The following IQCH variants were observed in gnomAD, a reference collection of about 807,000 sequenced individuals.
IQCH encodes the protein IQ domain-containing protein H.
IQCH carries 98 observed loss-of-function variants against 117.0 expected under a neutral mutation model. The observed-to-expected ratio is 0.84, with a 90% CI of 0.71 to 0.99. The LOEUF (loss-of-function observed/expected upper bound fraction) is 0.99, where lower values mean the gene tolerates loss of function less well. IQCH is among the 50% of genes least tolerant of loss of function. IQCH has a pLI of 0.00. For synonymous variants in IQCH, 412 were observed against 448.2 expected, an observed-to-expected ratio of 0.92 and a Z score of 1.02; for missense variants, 1,102 against 1,243.8, an observed-to-expected ratio of 0.89 and a Z score of 1.72.
In IQCH at chr15:67,456,864, C is replaced by A. The variant is rs1315077433; in HGVS notation, c.2506-8263C>A. On this transcript the variant is annotated intron_variant, in intron 16 of 20. Transcript: ENST00000335894. The surrounding 1 kb of genome is among the most constrained non-coding windows in gnomAD (Gnocchi z 5.1). ...AGATGGTTTGCAGCCTCTTACCCCA[C>A]CCACTCCAAACACCCCATAGAAGGC... Among the ~76,000 whole-genome samples, 1 of 152,058 alleles carries A rather than the reference C, an allele frequency of 6.6e-6. No homozygotes were observed. The highest frequency in any genetic ancestry group is 1.9e-4 in the East Asian group (1 of 5,182).
At chr15:67,377,245 G>A (rs1970771298) in intron 10 of IQCH, among the ~76,000 whole-genome samples, 5 of 152,102 alleles carry the variant, frequency 3.3e-5, no homozygotes, top group African/African-American at 1.2e-4. Context: ...CACAAGAGAA[G>A]TGGAATGCTG....
At chr15:67,308,907 G>T (rs1019226585) in intron 4 of IQCH, among the ~76,000 whole-genome samples, 3 of 152,052 alleles carry the variant, frequency 2.0e-5, no homozygotes, top group African/African-American at 7.2e-5. Flanking sequence ...TCTAGCTGTA[G>T]TGAGTTCTTT....
At chr15:67,373,344 T>C in intron 9 of IQCH, 23 bp from the exon 10 acceptor site, 3 of 1,576,538 alleles carry the variant, frequency 1.9e-6, no homozygotes, top group Non-Finnish European at 2.6e-6. Context: ...CTGTCACTGA[T>C]CAATGCTCTT....
rs960059156 is a variant in IQCH at position 67,417,177 on chromosome 15, G to A, written c.2218+126G>A. ...TGTTGGTTTAGAAAAGTGCTCCTAC[G>A]GTTTTCTTTTTCAAATGTTGCCTAA... On this transcript the variant is annotated intron_variant, in intron 15 of 20. Coordinates refer to ENST00000335894, the MANE Select transcript of IQCH (RefSeq NM_001031715.3). This position sits in a 1 kb window ranked among gnomAD's most constrained non-coding sequence, Gnocchi z 4.3. 3.5e-5 allele frequency: 25 copies of A among 723,410 alleles called. No individual in the cohort carries two copies. The highest frequency in any genetic ancestry group is 4.4e-4 in the Middle Eastern group (1 of 2,288). 44.8% of individuals were successfully genotyped at this position (723,410 alleles called of 1,614,324 possible).
chr15:67,255,177 G>A (rs1965099908), intron 1 of IQCH: 2 of 590,664 alleles, frequency 3.4e-6, no homozygotes, highest in Middle Eastern at 9.1e-4. Flanking sequence ...TCTGCCTCTG[G>A]GAAAACTCTA....
rs570772619 is a variant in IQCH at position 67,348,637 on chromosome 15, A to C, written c.637+4446A>C. On this transcript the variant is annotated intron_variant, in intron 6 of 20. Transcript: ENST00000335894. ...AAAAGAAGACCTAAGTAAATTAGAAAGATTAGCCATGTTCATAGATTAGAA... is the reference window on the plus strand; with the variant it reads ...AAAAGAAGACCTAAGTAAATTAGAACGATTAGCCATGTTCATAGATTAGAA... 5.3e-5 allele frequency among the ~76,000 whole-genome samples: 8 copies of C among 152,344 alleles called. No individual in the cohort carries two copies. The South Asian group carries it at 1.7e-3, about 32-fold the overall frequency.
intron 6 of IQCH, among the ~76,000 whole-genome samples, chr15:67,352,154 GCTT>G (rs915251895): frequency 9.9e-5 from 15 of 151,164 alleles, no homozygotes; most frequent in African/African-American, 3.4e-4. Context: ...ATTGTGATTA[GCTT>G]CTTATTTTCA....
rs927897669 is a variant in IQCH at position 67,255,115 on chromosome 15, C to G, written c.51+168C>G. ...CCCACCCAGACCTTCCCCCACGGCC[C>G]AGCACACTCCCGGTGACTTACCCTG... On this transcript the variant is annotated intron_variant, in intron 1 of 20. Transcript: ENST00000335894. 3 of 670,164 alleles carry G rather than the reference C, an allele frequency of 4.5e-6. No homozygotes were observed. The South Asian group carries it at 5.2e-5, about 12-fold the overall frequency. 41.5% of individuals were successfully genotyped at this position (670,164 alleles called of 1,614,324 possible).
rs111681102 is a variant in IQCH at position 67,372,473 on chromosome 15, C to T, written c.1116C>T (p.Ala372=). The T allele has an allele frequency of 2.4e-4, 382 of 1,613,956 alleles. 1 individual carries two copies. In the African/African-American group the frequency reaches 4.0e-3, roughly 17 times the overall value. The change falls in exon 9 of 21, where the codon GCC becomes GCT. Residue 372 remains alanine, a synonymous_variant. Coordinates refer to ENST00000335894, the MANE Select transcript of IQCH (RefSeq NM_001031715.3). ...AGGGCCAAGATGGAAATTCGGAGGC[C>T]GCCATGAAGATCCAAGCCACATGGA... ...RYKGQDGNSE[A]AMKIQATWKC...
At chr15:67,358,158 C>CTTT (rs71455547) in intron 7 of IQCH, among the ~76,000 whole-genome samples, 1 of 53,106 alleles carries the variant, frequency 1.9e-5, no homozygotes, top group African/African-American at 7.3e-5. Flanking sequence ...CACGCCTGGC[C>CTTT]TTTTTTTTTT....
intron 7 of IQCH, among the ~76,000 whole-genome samples, chr15:67,358,142 A>G (rs1596251848): frequency 8.1e-6 from 1 of 122,888 alleles, no homozygotes; most frequent in East Asian, 2.5e-4. Context: ...TATAGGCATG[A>G]GCCACCACGC....
In IQCH at chr15:67,432,423, C is replaced by G. The variant is rs1214419426; in HGVS notation, c.2505+10846C>G. Among the ~76,000 whole-genome samples, 1 of 152,120 alleles carries G rather than the reference C, an allele frequency of 6.6e-6. No individual in the cohort carries two copies. The highest frequency in any genetic ancestry group is 1.5e-5 in the Non-Finnish European group (1 of 68,020). ...CATTGCAATGGCAATGGGTTCTGGC[C>G]CCAGTCTTTCCACTAACTAGTGTGA... On this transcript the variant is annotated intron_variant, in intron 16 of 20. Transcript: ENST00000335894. This position sits in a 1 kb window ranked among gnomAD's most constrained non-coding sequence, Gnocchi z 5.0.
chr15:67,269,874 C>T (rs1965830178), intron 3 of IQCH, among the ~76,000 whole-genome samples: 1 of 152,034 alleles, frequency 6.6e-6, no homozygotes, highest in Admixed American at 6.5e-5. Context: ...TTTTCTTTAT[C>T]CATTCATCCA....
chr15:67,280,024 A>G lies in IQCH; in HGVS notation c.387+512A>G, dbSNP rs554171472. Among the ~76,000 whole-genome samples, 16 of 152,330 alleles carry G rather than the reference A, an allele frequency of 1.1e-4. No individual in the cohort carries two copies. In the East Asian group the frequency reaches 2.7e-3, roughly 26 times the overall value. On this transcript the variant is annotated intron_variant, in intron 4 of 20. Transcript: ENST00000335894. ...GAGCGAGACTCCGTCTAAAAAAAAAAAATGTGAATTTTATGGTATATTAAT... is the reference window on the plus strand; with the variant it reads ...GAGCGAGACTCCGTCTAAAAAAAAAGAATGTGAATTTTATGGTATATTAAT...
At position 67,337,046 on chromosome 15, in the gene IQCH, A is replaced by G. The variant is rs111733460; in HGVS notation, c.459A>G (p.Thr153=). The G allele has an allele frequency of 6.2e-7, 1 of 1,613,748 alleles. No individual in the cohort carries two copies. The highest frequency in any genetic ancestry group is 1.1e-5 in the South Asian group (1 of 91,072). ...SLTVLPSSHC[T]DPYFTPIPVL... is the part of the protein sequence containing the mutation. Reference sequence around the variant, plus strand: ...CGGTTCTGCCATCTTCTCATTGCACAGATCCCTATTTCACTCCTATACCAG... The same window carrying G: ...CGGTTCTGCCATCTTCTCATTGCACGGATCCCTATTTCACTCCTATACCAG... Residue 153 remains threonine (T), a synonymous_variant, in exon 5 of 21, where the codon ACA becomes ACG. Transcript: ENST00000335894.
In IQCH at chr15:67,490,690, T is replaced by TA. The variant is rs1265052814; in HGVS notation, c.2861+626_2861+627insA. Among the ~76,000 whole-genome samples, 3 of 152,126 alleles carry TA rather than the reference T, an allele frequency of 2.0e-5. No homozygotes were observed. Among genetic ancestry groups the TA allele is most frequent in the African/African-American group, 7.2e-5 (3 of 41,430 alleles). ...CAGTTGTCCTGCCTGTGGAAGGCAGTTGTCATTCTGGCATACTTAGAAAAG... is the reference window on the plus strand; with the variant it reads ...CAGTTGTCCTGCCTGTGGAAGGCAGTATGTCATTCTGGCATACTTAGAAAAG... On this transcript the variant is annotated intron_variant, in intron 19 of 20. Coordinates refer to ENST00000335894, the MANE Select transcript of IQCH (RefSeq NM_001031715.3). This position sits in a 1 kb window ranked among gnomAD's most constrained non-coding sequence, Gnocchi z 4.9.
At chr15:67,284,799 A>G (rs1966498508) in intron 4 of IQCH, among the ~76,000 whole-genome samples, 1 of 152,042 alleles carries the variant, frequency 6.6e-6, no homozygotes, top group South Asian at 2.1e-4. Flanking sequence ...CATTCCTTTT[A>G]TGGCTGCATA....
Position 67,359,960 on chromosome 15 carries a change from G to A in IQCH, c.753+75G>A. The A allele has an allele frequency of 8.4e-7, 1 of 1,189,458 alleles. No individual in the cohort carries two copies. The highest frequency in any genetic ancestry group is 1.2e-5 in the South Asian group (1 of 80,112). 73.7% of individuals were successfully genotyped at this position (1,189,458 alleles called of 1,614,324 possible). On this transcript the variant is annotated intron_variant, in intron 8 of 20. Transcript: ENST00000335894. This position sits in a 1 kb window ranked among gnomAD's most constrained non-coding sequence, Gnocchi z 4.5. ...CCCTTCCTTTTGCTGCAGGGCAAGA[G>A]TATGGGTGACTGCTTGACAGCTGGA... is the stretch of plus-strand genomic sequence containing the variant.
At chr15:67,287,861 A>G (rs1212730843) in intron 4 of IQCH, among the ~76,000 whole-genome samples, 1 of 151,316 alleles carries the variant, frequency 6.6e-6, no homozygotes, top group Non-Finnish European at 1.5e-5. Context: ...CTTTTTTTGG[A>G]TGTAGTTGCT....
Sources: gnomAD v4.1 joint callset for allele counts (sites outside exome capture counted in the v4.1 genomes callset) on GRCh38, gnomAD v4.1.1 for gene constraint, Gnocchi (gnomAD v3.1) non-coding constraint, MANE v1.5 for transcripts, NCBI Gene and HGNC (gene_info 2026-07-23, HGNC 2026-07-21) for gene names.